POC5: variants seen among roughly 807,000 people sequenced by gnomAD.
The protein encoded by POC5 is POC5 centriolar protein, also known as centrosomal protein POC5.
Under a neutral mutation model 62.9 loss-of-function variants are expected in POC5, and 48 were observed. That is an observed-to-expected ratio of 0.76 (90% confidence interval 0.61 to 0.97). The LOEUF is 0.97. POC5 is among the 50% of genes least tolerant of loss of function. POC5 has a pLI of 0.00. For synonymous variants in POC5, 236 were observed against 228.2 expected, an observed-to-expected ratio of 1.03 and a Z score of -0.31; for missense variants, 696 against 679.5, an observed-to-expected ratio of 1.02 and a Z score of -0.27.
chr5:75,692,392 T>C lies in POC5; in HGVS notation c.795+4A>G. The stretch of plus-strand genomic sequence containing the variant: ...CATCAGCTGTCTTCTGCTTTGACAC[T>C]TACATCCTGTCTGGCTCTGACATGG... On this transcript the variant is annotated splice_donor_region_variant and intron_variant, in intron 7 of 11. Transcript: ENST00000428202. 1 of 1,577,034 alleles carries C rather than the reference T, an allele frequency of 6.3e-7. No individual in the cohort carries two copies. Among genetic ancestry groups the C allele is most frequent in the African/African-American group, 1.4e-5 (1 of 73,266 alleles).
chr5:75,699,043 C>T (rs1484208189), intron 5 of POC5, among the ~76,000 whole-genome samples: 1 of 152,080 alleles, frequency 6.6e-6, no homozygotes, highest in Admixed American at 6.6e-5. Context: ...CTGAATAGAC[C>T]AATAACAGGA....
chr5:75,710,525 C>T (rs1777300033), intron 2 of POC5, among the ~76,000 whole-genome samples: 1 of 152,166 alleles, frequency 6.6e-6, no homozygotes. Flanking sequence ...GCTCTCCTCC[C>T]ACCTGCACAT....
At chr5:75,694,959 G>A (rs1345144991) in intron 5 of POC5, 128 bp from the exon 6 acceptor site, 2 of 641,890 alleles carry the variant, frequency 3.1e-6, no homozygotes, top group East Asian at 3.1e-5. Context: ...AAAACAATTG[G>A]AACACATTAA....
intron 5 of POC5, among the ~76,000 whole-genome samples, chr5:75,699,171 C>T (rs1776750472): frequency 6.6e-6 from 1 of 152,132 alleles, no homozygotes; most frequent in Non-Finnish European, 1.5e-5. Flanking sequence ...CCTTCTGAAA[C>T]TATTCCAATC....
At position 75,685,461 on chromosome 5, in the gene POC5, T is replaced by G. The variant is rs1388831932; in HGVS notation, c.1153A>C (p.Lys385Gln). The G allele has an allele frequency of 6.2e-7, 1 of 1,611,302 alleles. No individual in the cohort carries two copies. The highest frequency in any genetic ancestry group is 1.3e-5 in the African/African-American group (1 of 74,878). ...DAGIDSTNNKKEEYGPGVQGK... is the reference protein window; with the variant it reads ...DAGIDSTNNKQEEYGPGVQGK... The stretch of plus-strand genomic sequence containing the variant: ...TGAACACCAGGACCATACTCTTCCT[T>G]TTTATTATTTGTGGAGTCTATCCCT... The change falls in exon 10 of 12, where the codon AAG becomes CAG. Residue 385 changes from lysine to glutamine, a missense_variant. Coordinates refer to ENST00000428202, the MANE Select transcript of POC5 (RefSeq NM_001099271.2).
chr5:75,717,265 G>C (rs937866474), intron 1 of POC5, 41 bp downstream of exon 1: 10 of 152,284 alleles, frequency 6.6e-5, no homozygotes, highest in African/African-American at 2.4e-4. Context: ...TTTCGCCAGG[G>C]ATGCAGGGAC....
intron 11 of POC5, among the ~76,000 whole-genome samples, chr5:75,675,171 G>A (rs573201370): frequency 1.3e-5 from 2 of 152,316 alleles, no homozygotes; most frequent in East Asian, 3.9e-4. Context: ...AGTCATTAAA[G>A]TCAGGACACA....
chr5:75,710,490 A>G (rs983095186), intron 2 of POC5, among the ~76,000 whole-genome samples: 1 of 152,118 alleles, frequency 6.6e-6, no homozygotes, highest in Non-Finnish European at 1.5e-5. Flanking sequence ...TACTCATCAG[A>G]AGAGACACCA....
At chr5:75,681,721 T>G (rs1017385802) in intron 10 of POC5, among the ~76,000 whole-genome samples, 2 of 151,854 alleles carry the variant, frequency 1.3e-5, no homozygotes, top group African/African-American at 4.8e-5. Context: ...CTCTGTACTT[T>G]CTGGACCTAT....
intron 10 of POC5, among the ~76,000 whole-genome samples, chr5:75,678,388 C>T (rs1057487626): frequency 2.6e-5 from 4 of 152,044 alleles, no homozygotes; most frequent in African/African-American, 9.7e-5. Context: ...TTCCTGTTAA[C>T]TATCACTCAA....
In POC5 at chr5:75,712,967, C is replaced by T. The variant is rs575313884; in HGVS notation, c.-14-16G>A. ...CACAAATGCTCTAAAACAGTAGAAG[C>T]TAACTTTAGCTTTTTTCCTTGATAT... On this transcript the variant is annotated splice_polypyrimidine_tract_variant and intron_variant, in intron 1 of 11. Transcript: ENST00000428202. 4.5e-6 allele frequency: 7 copies of T among 1,543,870 alleles called. No individual in the cohort carries two copies. The highest frequency in any genetic ancestry group is 6.2e-6 in the Non-Finnish European group (7 of 1,131,076).
At chr5:75,684,363 A>ATTTTTTTTTTTT (rs749361349) in intron 10 of POC5, among the ~76,000 whole-genome samples, 4 of 132,708 alleles carry the variant, frequency 3.0e-5, no homozygotes, top group African/African-American at 1.1e-4. Context: ...TTCCTACATA[A>ATTTTTTTTTTTT]TTTTTTTTTT....
chr5:75,690,130 C>T (rs964171995), intron 8 of POC5, among the ~76,000 whole-genome samples: 1 of 152,242 alleles, frequency 6.6e-6, no homozygotes, highest in East Asian at 1.9e-4. Flanking sequence ...CTGCCCGCCT[C>T]GGCCTCCCAA....
At chr5:75,698,147 T>A (rs1172934462) in intron 5 of POC5, among the ~76,000 whole-genome samples, 1 of 138,962 alleles carries the variant, frequency 7.2e-6, no homozygotes, top group Admixed American at 7.2e-5. Context: ...CTGTCAACAT[T>A]AGACAGATCA....
chr5:75,714,377 CA>C (rs879912602), intron 1 of POC5, among the ~76,000 whole-genome samples: 6 of 143,840 alleles, frequency 4.2e-5, no homozygotes, highest in Admixed American at 6.9e-5. Flanking sequence ...GACTCCGTCT[CA>C]AAAAAAAAAG....
Position 75,677,930 on chromosome 5 carries a change from G to C in POC5, c.1428C>G (p.Thr476=), listed in dbSNP as rs1339915866. 1.3e-6 allele frequency: 2 copies of C among 1,593,968 alleles called. No homozygotes were observed. Among genetic ancestry groups the C allele is most frequent in the African/African-American group, 2.7e-5 (2 of 73,784 alleles). Residue 476 remains threonine, a synonymous_variant, in exon 11 of 12, where the codon ACC becomes ACG. Transcript: ENST00000428202. Reference sequence around the variant, plus strand: ...TTCTTCCTGCTTTCTGTTGTGCAGAGGTTACAACTCTTGGCACATACTAAG... The same window carrying C: ...TTCTTCCTGCTTTCTGTTGTGCAGACGTTACAACTCTTGGCACATACTAAG... ...SEEMYVPRVV[T]SAQQKAGRTI...
At chr5:75,688,799 C>G (rs1776198864) in intron 9 of POC5, among the ~76,000 whole-genome samples, 1 of 152,154 alleles carries the variant, frequency 6.6e-6, no homozygotes, top group Admixed American at 6.5e-5. Context: ...TGACAGTGTA[C>G]TTGATCAGAT....
At chr5:75,716,759 T>G (rs747095767) in intron 1 of POC5, among the ~76,000 whole-genome samples, 1 of 152,214 alleles carries the variant, frequency 6.6e-6, no homozygotes, top group Non-Finnish European at 1.5e-5. Context: ...GGTAATTATC[T>G]GGCTGACAGC....
chr5:75,705,607 A>G (rs4704234), intron 4 of POC5, 97 bp downstream of exon 4: 196,696 of 692,112 alleles, frequency 0.28, 28,660 homozygotes, highest in African/African-American at 0.35. Context: ...CTGCTAATAA[A>G]TAATATGCTG....
Sources: allele counts gnomAD v4.1 joint callset (sites outside exome capture counted in the v4.1 genomes callset), GRCh38; gene constraint gnomAD v4.1.1; transcripts MANE v1.5; gene names NCBI Gene and HGNC (gene_info 2026-07-23, HGNC 2026-07-21).